AP3S2: variants seen among roughly 807,000 people sequenced by gnomAD.
AP3S2 encodes the protein AP-3 complex subunit sigma-2.
In AP3S2, 22 loss-of-function variants were observed where a neutral mutation model predicts 23.4. The observed-to-expected ratio is 0.94, with a 90% CI of 0.67 to 1.34. The LOEUF (loss-of-function observed/expected upper bound fraction) is 1.34, where lower values mean the gene tolerates loss of function less well. AP3S2 is among the 40% of genes most tolerant of loss of function. The pLI, the probability that AP3S2 is intolerant of heterozygous loss-of-function variation, is 0.00. For missense variants in AP3S2, 241 were observed against 236.9 expected (o/e 1.02, Z -0.11); for synonymous variants, 86 against 87.1 (o/e 0.99, Z 0.07).
At position 89,835,306 on chromosome 15, in the gene AP3S2, G is replaced by T. The variant is rs2141830751; in HGVS notation, c.*209C>A. On this transcript the variant is annotated 3_prime_UTR_variant, in exon 6 of 6. Transcript: ENST00000336418. ...GGCCGTATGCATCAGAGAACGGCATGACTGCACATGTGAGAACTGGGTGCA... is the reference window on the plus strand; with the variant it reads ...GGCCGTATGCATCAGAGAACGGCATTACTGCACATGTGAGAACTGGGTGCA... 2 of 771,812 alleles carry T rather than the reference G, an allele frequency of 2.6e-6. No individual in the cohort carries two copies. The highest frequency in any genetic ancestry group is 4.0e-6 in the Non-Finnish European group (2 of 503,392). The allele number at this position is 771,812 out of a possible 1,614,324, so 47.8% of individuals were successfully genotyped here.
chr15:89,835,262 G>T lies in AP3S2; in HGVS notation c.*253C>A. ...GTTGACTCCCTACTGAGGAAGGCAGGGCCCCTCACATCTGCAGTGGCCGTA... is the reference window on the plus strand; with the variant it reads ...GTTGACTCCCTACTGAGGAAGGCAGTGCCCCTCACATCTGCAGTGGCCGTA... On this transcript the variant is annotated 3_prime_UTR_variant, in exon 6 of 6. Coordinates refer to ENST00000336418, the MANE Select transcript of AP3S2 (RefSeq NM_005829.5). 1 of 555,078 alleles carries T rather than the reference G, an allele frequency of 1.8e-6. No homozygotes were observed. The highest frequency in any genetic ancestry group is 3.0e-6 in the Non-Finnish European group (1 of 327,966). The allele number at this position is 555,078 out of a possible 1,614,324, so 34.4% of individuals were successfully genotyped here.
At chr15:89,868,948 G>T (rs1169166380) in intron 4 of AP3S2, among the ~76,000 whole-genome samples, 1 of 142,740 alleles carries the variant, frequency 7.0e-6, no homozygotes, top group Admixed American at 6.9e-5. Context: ...GAGGGAGGTG[G>T]GGGGGTCAGC....
intron 4 of AP3S2, chr15:89,838,115 A>G: frequency 5.8e-6 from 1 of 173,486 alleles, no homozygotes; most frequent in Non-Finnish European, 1.2e-5. Context: ...GGTGCCCAGG[A>G]CACACTGGGT....
intron 4 of AP3S2, among the ~76,000 whole-genome samples, chr15:89,841,279 T>C (rs1895324652): frequency 6.6e-6 from 1 of 152,148 alleles, no homozygotes; most frequent in East Asian, 1.9e-4. Context: ...GAAATAAAAA[T>C]GCAAACTCCA....
intron 4 of AP3S2, among the ~76,000 whole-genome samples, chr15:89,868,821 G>T (rs1331959950): frequency 7.9e-6 from 1 of 126,846 alleles, no homozygotes; most frequent in Non-Finnish European, 1.6e-5. Flanking sequence ...GAGGGAGGTG[G>T]GGGGGTCAGC....
At chr15:89,849,663 A>G (rs117278093) in intron 4 of AP3S2, among the ~76,000 whole-genome samples, 1,674 of 152,194 alleles carry the variant, frequency 0.011, 9 homozygotes, top group Middle Eastern at 0.031. Flanking sequence ...CACTGCGCCC[A>G]GCCTATGAAT....
At chr15:89,856,745 C>T (rs1450629155) in intron 4 of AP3S2, among the ~76,000 whole-genome samples, 1 of 144,826 alleles carries the variant, frequency 6.9e-6, no homozygotes, top group African/African-American at 2.6e-5. Context: ...TGGTGGTGCG[C>T]ACCTGTAGTC....
intron 4 of AP3S2, among the ~76,000 whole-genome samples, chr15:89,864,903 G>T (rs187742072): frequency 6.6e-6 from 1 of 152,108 alleles, no homozygotes; most frequent in African/African-American, 2.4e-5. Context: ...CAAAGGCCCT[G>T]AATAAACATT....
chr15:89,888,973 G>A (rs1896758733), intron 2 of AP3S2, 76 bp downstream of exon 2: 2 of 1,548,808 alleles, frequency 1.3e-6, no homozygotes, highest in Non-Finnish European at 1.8e-6. Flanking sequence ...TGACACTTGA[G>A]TACTGTCAGA....
At chr15:89,879,073 C>T (rs560436535) in intron 3 of AP3S2, among the ~76,000 whole-genome samples, 23 of 152,212 alleles carry the variant, frequency 1.5e-4, no homozygotes, top group Non-Finnish European at 2.5e-4. Context: ...GAGACAAAGT[C>T]TCACTATGCT....
chr15:89,886,327 G>C (rs1596222504), intron 3 of AP3S2, among the ~76,000 whole-genome samples: 1 of 152,052 alleles, frequency 6.6e-6, no homozygotes, highest in East Asian at 1.9e-4. Context: ...ACTGGCAACA[G>C]AGCAAGACTC....
At chr15:89,838,289 G>C (rs1012101060) in intron 4 of AP3S2, among the ~76,000 whole-genome samples, 5 of 152,194 alleles carry the variant, frequency 3.3e-5, no homozygotes, top group Non-Finnish European at 5.9e-5. Flanking sequence ...CCACTGAAGG[G>C]ACGTGATCAG....
intron 4 of AP3S2, among the ~76,000 whole-genome samples, chr15:89,844,217 TTCTTTCTTTCTTTCTTTC>T (rs1895411771): frequency 6.9e-5 from 1 of 14,528 alleles, no homozygotes; most frequent in Non-Finnish European, 1.5e-4. Context: ...TTCTCTTTCT[TTCTTTCTTTCTTTCTTTC>T]TTTCTTTCTT....
chr15:89,836,400 C>A (rs6496609), intron 5 of AP3S2, among the ~76,000 whole-genome samples: 110,196 of 152,114 alleles, frequency 0.72, 40,063 homozygotes, highest in East Asian at 0.8. Context: ...GCAAAGTCAC[C>A]GGGAAGTTCT....
In AP3S2 at chr15:89,851,802, ATTT is replaced by A. The variant is rs145945462; in HGVS notation, c.346-14083_346-14081del. 2.0e-3 allele frequency among the ~76,000 whole-genome samples: 299 copies of A among 148,816 alleles called. 1 individual carries two copies. The highest frequency in any genetic ancestry group is 4.8e-3 in the African/African-American group (194 of 40,506). On this transcript the variant is annotated intron_variant, in intron 4 of 5. Coordinates refer to ENST00000336418, the MANE Select transcript of AP3S2 (RefSeq NM_005829.5). ...ATGAGTCAGGGTTCTCCGTGAAATC[ATTT>A]TTTTTTTTTTTAATGTTCTAGCAGG...
At chr15:89,888,396 G>C in intron 3 of AP3S2, 125 bp downstream of exon 3, 1 of 820,320 alleles carries the variant, frequency 1.2e-6, no homozygotes, top group South Asian at 1.8e-5. Flanking sequence ...GCACCATCTG[G>C]TGGACATCTG....
Position 89,832,680 on chromosome 15 carries a change from G to A in AP3S2, c.*2835C>T, listed in dbSNP as rs940896092. On this transcript the variant is annotated 3_prime_UTR_variant, in exon 6 of 6. Coordinates refer to ENST00000336418, the MANE Select transcript of AP3S2 (RefSeq NM_005829.5). ...ATTTTTTGTATTTTTAGTAGAGATG[G>A]GTTTTCACTGTGTTAGCTAGGATGG... 1 of 151,882 alleles carries A rather than the reference G, an allele frequency of 6.6e-6. No homozygotes were observed. Among genetic ancestry groups the A allele is most frequent in the Non-Finnish European group, 1.5e-5 (1 of 67,988 alleles). The allele number at this position is 151,882 out of a possible 1,614,324, so 9.4% of individuals were successfully genotyped here.
intron 4 of AP3S2, among the ~76,000 whole-genome samples, chr15:89,838,759 A>T (rs915325351): frequency 6.6e-6 from 1 of 152,208 alleles, no homozygotes; most frequent in Non-Finnish European, 1.5e-5. Flanking sequence ...AGAGCTTCAC[A>T]GAGACAGTGG....
At chr15:89,840,904 C>G (rs1249585401) in intron 4 of AP3S2, among the ~76,000 whole-genome samples, 1 of 152,170 alleles carries the variant, frequency 6.6e-6, no homozygotes, top group Non-Finnish European at 1.5e-5. Flanking sequence ...TCTATTCATC[C>G]CTGACCCCTA....
Sources: allele counts gnomAD v4.1 joint callset (sites outside exome capture counted in the v4.1 genomes callset), GRCh38; gene constraint gnomAD v4.1.1; transcripts MANE v1.5; gene names NCBI Gene and HGNC (gene_info 2026-07-23, HGNC 2026-07-21).